The following NEBL variants were observed in gnomAD, a reference collection of about 807,000 sequenced individuals.
The protein encoded by NEBL is nebulette.
A neutral mutation model predicts 140.2 loss-of-function variants in NEBL; 122 were observed. The observed-to-expected ratio is 0.87, with a 90% CI of 0.75 to 1.01. NEBL has a LOEUF of 1.01. Among genes scored for constraint, NEBL ranks in the 50% least tolerant of loss-of-function variants. NEBL has a pLI of 0.00. For synonymous variants in NEBL, 436 were observed against 398.9 expected (o/e 1.09, Z -1.11); for missense variants, 1,365 against 1,231.3 (o/e 1.11, Z -1.62).
intron 1 of NEBL, among the ~76,000 whole-genome samples, chr10:21,282,281 C>T (rs1313590860): frequency 6.6e-6 from 1 of 152,118 alleles, no homozygotes; most frequent in Admixed American, 6.5e-5. Context: ...GCAATCCAGG[C>T]CTTGGGGAAT....
At position 21,213,464 on chromosome 10, in the gene NEBL, T is replaced by C. The variant is rs1841946913; in HGVS notation, n.348+34457A>G. ...AAAGAACAGTGTCTATAAAATGCACTTTCAAAACAACACTGTCTGAATGCC... is the reference window on the plus strand; with the variant it reads ...AAAGAACAGTGTCTATAAAATGCACCTTCAAAACAACACTGTCTGAATGCC... On this transcript the variant is annotated intron_variant and non_coding_transcript_variant, in intron 3 of 8. Transcript: ENST00000675702. 2.6e-5 allele frequency among the ~76,000 whole-genome samples: 4 copies of C among 152,286 alleles called. No homozygotes were observed. The South Asian group carries it at 8.3e-4, about 32-fold the overall frequency.
chr10:20,817,566 T>G (rs1426303250), intron 21 of NEBL, 34 bp downstream of exon 21: 3 of 1,481,874 alleles, frequency 2.0e-6, no homozygotes, highest in Non-Finnish European at 2.8e-6. Context: ...ATGCATTTGA[T>G]AGTGTAAGAA....
intron 3 of NEBL, among the ~76,000 whole-genome samples, chr10:20,993,745 A>C (rs988648264): frequency 2.6e-5 from 4 of 152,342 alleles, no homozygotes; most frequent in Admixed American, 6.5e-5. Flanking sequence ...GAAGATCTAC[A>C]GAGTCACATG....
intron 2 of NEBL, among the ~76,000 whole-genome samples, chr10:21,248,717 T>C (rs1588561441): frequency 6.6e-6 from 1 of 152,246 alleles, no homozygotes. Context: ...GGTGATTCTA[T>C]ATTTAATTTT....
Position 21,173,659 on chromosome 10 carries a change from C to A in NEBL, c.69+106G>T. On this transcript the variant is annotated intron_variant, in intron 1 of 6. Transcript: ENST00000417816. This position sits in a 1 kb window ranked among gnomAD's most constrained non-coding sequence, Gnocchi z 5.7. ...CCCCCCGTGCCAAGGCACACGCACA[C>A]GCACCGACCCACTCATTGCTTTCCA... The A allele has an allele frequency of 6.4e-7, 1 of 1,570,692 alleles. No individual in the cohort carries two copies. Among genetic ancestry groups the A allele is most frequent in the African/African-American group, 1.3e-5 (1 of 74,332 alleles).
At chr10:21,111,884 A>G (rs1564515133) in intron 2 of NEBL, among the ~76,000 whole-genome samples, 1 of 152,094 alleles carries the variant, frequency 6.6e-6, no homozygotes, top group Non-Finnish European at 1.5e-5. Flanking sequence ...AACTTAAACA[A>G]ATTTACCAGA....
intron 1 of NEBL, among the ~76,000 whole-genome samples, chr10:21,253,674 G>T (rs1264353551): frequency 6.6e-6 from 1 of 151,456 alleles, no homozygotes; most frequent in Non-Finnish European, 1.5e-5. Context: ...CTCCCGAGTA[G>T]CTGGGATTAC....
At chr10:21,275,807 A>ATTTTTTTTTT (rs959684198) in intron 1 of NEBL, among the ~76,000 whole-genome samples, 569 of 113,672 alleles carry the variant, frequency 5.0e-3, no homozygotes, top group African/African-American at 7.6e-3. Flanking sequence ...CACCCAGCTA[A>ATTTTTTTTTT]TTTTTTTTTT....
chr10:21,201,314 G>T (rs1418827141), intron 3 of NEBL, among the ~76,000 whole-genome samples: 1 of 152,170 alleles, frequency 6.6e-6, no homozygotes, highest in Non-Finnish European at 1.5e-5. Context: ...ACAAAAAGTA[G>T]TTTCTTACAT....
intron 4 of NEBL, among the ~76,000 whole-genome samples, chr10:20,904,311 T>C (rs544732153): frequency 3.3e-5 from 5 of 152,310 alleles, no homozygotes; most frequent in Admixed American, 6.5e-5. Context: ...TGCATTTATA[T>C]GTGGTTCTTC....
intron 2 of NEBL, among the ~76,000 whole-genome samples, chr10:21,120,680 C>CAAAAAAAAA (rs66476160): frequency 4.2e-5 from 3 of 71,236 alleles, no homozygotes; most frequent in Non-Finnish European, 7.8e-5. Flanking sequence ...TTCATGACAG[C>CAAAAAAAAA]AAAAAAAAAA....
At chr10:21,069,969 G>A in intron 2 of NEBL, 1 of 456,200 alleles carries the variant, frequency 2.2e-6, no homozygotes, top group South Asian at 1.5e-5. Flanking sequence ...CTTAGGGACT[G>A]CGCCCCTGGA....
At chr10:21,163,167 T>C (rs1589299757) in intron 2 of NEBL, among the ~76,000 whole-genome samples, 1 of 152,110 alleles carries the variant, frequency 6.6e-6, no homozygotes. Context: ...TAGAAGAAGG[T>C]AGATTGTGAA....
chr10:20,977,644 T>C (rs548087025), intron 3 of NEBL, among the ~76,000 whole-genome samples: 8 of 152,206 alleles, frequency 5.3e-5, no homozygotes, highest in African/African-American at 1.9e-4. Flanking sequence ...CTGCCAGAGA[T>C]TGAATCAATC....
At chr10:21,199,024 C>T (rs1841693781) in intron 3 of NEBL, among the ~76,000 whole-genome samples, 1 of 151,292 alleles carries the variant, frequency 6.6e-6, no homozygotes, top group Non-Finnish European at 1.5e-5. Context: ...TTTATTTGCA[C>T]CACTGCACTC....
At chr10:20,825,432 G>A (rs1490599519) in intron 18 of NEBL, among the ~76,000 whole-genome samples, 3 of 152,110 alleles carry the variant, frequency 2.0e-5, no homozygotes, top group African/African-American at 4.8e-5. Context: ...TGAAGCGGGA[G>A]GATCACTTGA....
At chr10:20,952,923 AAAG>A (rs1161543294) in intron 4 of NEBL, among the ~76,000 whole-genome samples, 4 of 148,402 alleles carry the variant, frequency 2.7e-5, no homozygotes, top group African/African-American at 7.5e-5. Context: ...AAAAAAAAAA[AAAG>A]AAAAAGAAAA....
At chr10:20,819,096 A>T (rs1044657400) in intron 20 of NEBL, 1 of 1,016,856 alleles carries the variant, frequency 9.8e-7, no homozygotes, top group African/African-American at 1.7e-5. Flanking sequence ...TCAGCGGTAC[A>T]TGTGCAGGTT....
chr10:21,288,820 GTATATA>G lies in NEBL; in HGVS notation n.182+4004_182+4009del, dbSNP rs71392181. Reference sequence around the variant, plus strand: ...TCTGACAATATATACGTGTGTGTGTGTATATATATATATATATATATATATATATAA... The same window carrying G: ...TCTGACAATATATACGTGTGTGTGTGTATATATATATATATATATATATAA... On this transcript the variant is annotated intron_variant and non_coding_transcript_variant, in intron 1 of 8. Transcript: ENST00000675702. 1.1e-4 allele frequency among the ~76,000 whole-genome samples: 4 copies of G among 35,026 alleles called. 1 individual carries two copies. The highest frequency in any genetic ancestry group is 0.024 in the Middle Eastern group (1 of 42). The allele number at this position is 35,026 out of a possible 152,430, so 23.0% of individuals were successfully genotyped here.
Sources: gnomAD v4.1 joint callset for allele counts (sites outside exome capture counted in the v4.1 genomes callset) on GRCh38, gnomAD v4.1.1 for gene constraint, Gnocchi (gnomAD v3.1) non-coding constraint, MANE v1.5 for transcripts, NCBI Gene and HGNC (gene_info 2026-07-23, HGNC 2026-07-21) for gene names.